LRRIQ3: variants seen among roughly 807,000 people sequenced by gnomAD.
The protein encoded by LRRIQ3 is leucine rich repeats and IQ motif containing 3.
Under a neutral mutation model 59.3 loss-of-function variants are expected in LRRIQ3, and 75 were observed. The observed-to-expected ratio is 1.26, with a 90% confidence interval of 1.05 to 1.53. The LOEUF is 1.53. Ranked by LOEUF, LRRIQ3 falls within the 40% of genes most tolerant of loss-of-function variation. The pLI is 0.00. For synonymous variants in LRRIQ3, 250 were observed against 231.3 expected (o/e 1.08, Z -0.73); for missense variants, 831 against 710.0 (o/e 1.17, Z -1.94).
At chr1:74,178,644 G>A (rs543549217) in intron 3 of LRRIQ3, among the ~76,000 whole-genome samples, 3 of 152,154 alleles carry the variant, frequency 2.0e-5, no homozygotes, top group African/African-American at 7.2e-5. Context: ...TGCCTTACAA[G>A]AATCTTCCTT....
chr1:74,188,008 G>A (rs1051955438), intron 1 of LRRIQ3, among the ~76,000 whole-genome samples: 2 of 151,998 alleles, frequency 1.3e-5, no homozygotes, highest in African/African-American at 4.8e-5. Flanking sequence ...GCAAACACAT[G>A]GAATCAACCT....
chr1:74,070,923 A>C (rs1360664137), intron 6 of LRRIQ3, among the ~76,000 whole-genome samples: 2 of 151,282 alleles, frequency 1.3e-5, no homozygotes, highest in Non-Finnish European at 2.9e-5. Context: ...AAGACACCTT[A>C]CCTATTGCAT....
intron 3 of LRRIQ3, among the ~76,000 whole-genome samples, chr1:74,177,909 T>C (rs898682342): frequency 6.6e-6 from 1 of 152,028 alleles, no homozygotes; most frequent in Non-Finnish European, 1.5e-5. Flanking sequence ...CCTTCCACTA[T>C]AATATTTTCT....
At chr1:74,089,397 G>T (rs191481103) in intron 5 of LRRIQ3, among the ~76,000 whole-genome samples, 40 of 152,128 alleles carry the variant, frequency 2.6e-4, no homozygotes, top group Admixed American at 1.6e-3. Context: ...CCATAAATTA[G>T]AAGGAACTCA....
intron 6 of LRRIQ3, among the ~76,000 whole-genome samples, chr1:74,054,762 A>ATATC (rs1319078564): frequency 1.4e-5 from 2 of 145,102 alleles, no homozygotes; most frequent in African/African-American, 4.9e-5. Context: ...ATATATCTAT[A>ATATC]TATCTACATA....
At chr1:74,117,223 T>C (rs1285023816) in intron 4 of LRRIQ3, among the ~76,000 whole-genome samples, 1 of 152,120 alleles carries the variant, frequency 6.6e-6, no homozygotes, top group Non-Finnish European at 1.5e-5. Flanking sequence ...ATGGAAAAGA[T>C]GTGTATATTT....
At chr1:74,174,186 G>T (rs1480583083) in intron 3 of LRRIQ3, among the ~76,000 whole-genome samples, 1 of 151,926 alleles carries the variant, frequency 6.6e-6, no homozygotes, top group Admixed American at 6.6e-5. Flanking sequence ...TGTCTCATCA[G>T]TCCCATAGAG....
At chr1:74,048,338 T>C (rs147501278) in intron 6 of LRRIQ3, among the ~76,000 whole-genome samples, 55 of 152,322 alleles carry the variant, frequency 3.6e-4, no homozygotes, top group African/African-American at 1.2e-3. Context: ...CAATAATTCT[T>C]CTAATTTGGA....
chr1:74,113,936 A>G (rs542071007), intron 4 of LRRIQ3, among the ~76,000 whole-genome samples: 1 of 151,858 alleles, frequency 6.6e-6, no homozygotes, highest in East Asian at 1.9e-4. Context: ...AAACATATAT[A>G]TATAAATCCC....
chr1:74,101,909 T>C (rs1471785146), intron 5 of LRRIQ3, among the ~76,000 whole-genome samples: 1 of 151,766 alleles, frequency 6.6e-6, no homozygotes, highest in Non-Finnish European at 1.5e-5. Flanking sequence ...GGGCCTGTCA[T>C]ATGGTGGGGG....
chr1:74,083,290 G>A (rs370802279), intron 5 of LRRIQ3: 1 of 151,548 alleles, frequency 6.6e-6, no homozygotes, highest in Non-Finnish European at 1.5e-5. Flanking sequence ...CTACTGCTCT[G>A]GTCAGAAATA....
At chr1:74,049,956 C>T (rs1654320531) in intron 6 of LRRIQ3, among the ~76,000 whole-genome samples, 1 of 145,286 alleles carries the variant, frequency 6.9e-6, no homozygotes, top group Admixed American at 7.0e-5. Flanking sequence ...CGGAGTCTCA[C>T]TCTGTTGCCC....
At chr1:74,117,889 T>TTA (rs1481105573) in intron 4 of LRRIQ3, among the ~76,000 whole-genome samples, 1 of 152,132 alleles carries the variant, frequency 6.6e-6, no homozygotes, top group African/African-American at 2.4e-5. Flanking sequence ...TATAAAGACA[T>TTA]TATAATGGAT....
intron 1 of LRRIQ3, among the ~76,000 whole-genome samples, chr1:74,190,923 C>T (rs529389129): frequency 6.6e-6 from 1 of 152,122 alleles, no homozygotes; most frequent in South Asian, 2.1e-4. Context: ...AAGGGGAAAC[C>T]CCTTTCACTT....
chr1:74,155,725 A>T lies in LRRIQ3; in HGVS notation c.707+8T>A. The T allele has an allele frequency of 2.6e-6, 4 of 1,566,822 alleles. No homozygotes were observed. Among genetic ancestry groups the T allele is most frequent in the Non-Finnish European group, 3.4e-6 (4 of 1,164,484 alleles). Reference sequence around the variant, plus strand: ...CAATATTCAAATGGTAAAGAAAACAAAACATACCTCAAATTTTTTCTAACT... The same window carrying T: ...CAATATTCAAATGGTAAAGAAAACATAACATACCTCAAATTTTTTCTAACT... On this transcript the variant is annotated splice_region_variant and intron_variant, in intron 4 of 7. Transcript: ENST00000354431.
At chr1:74,155,556 T>A (rs1175115958) in intron 4 of LRRIQ3, 177 bp downstream of exon 4, 7 of 412,046 alleles carry the variant, frequency 1.7e-5, no homozygotes, top group Non-Finnish European at 3.0e-5. Flanking sequence ...GTTGATTATG[T>A]TAAATATTAT....
intron 5 of LRRIQ3, among the ~76,000 whole-genome samples, chr1:74,101,163 A>G (rs1255930700): frequency 1.3e-5 from 2 of 152,202 alleles, no homozygotes; most frequent in African/African-American, 2.4e-5. Flanking sequence ...TACTCATCTG[A>G]CAAAGGGCTA....
At position 74,041,258 on chromosome 1, in the gene LRRIQ3, G is replaced by T. The variant is rs79435376; in HGVS notation, c.1673C>A (p.Ala558Glu). ...AAGTAAATTCTTTCTATATTTTTCT[G>T]CTTTTAGTTTTTGCTTAACAATCAG... Reference protein sequence around the residue: ...KSLIVKQKLKAEKYRKNLLKE... With the variant: ...KSLIVKQKLKEEKYRKNLLKE... The change falls in exon 7 of 8, where the codon GCA becomes GAA. Residue 558 changes from alanine (A) to glutamate (E), a missense_variant. Transcript: ENST00000354431. The T allele has an allele frequency of 1.9e-6, 3 of 1,591,878 alleles. No homozygotes were observed. The highest frequency in any genetic ancestry group is 2.6e-6 in the Non-Finnish European group (3 of 1,172,740).
At chr1:74,074,245 G>C (rs961949389) in intron 6 of LRRIQ3, among the ~76,000 whole-genome samples, 4 of 152,014 alleles carry the variant, frequency 2.6e-5, no homozygotes, top group African/African-American at 9.7e-5. Flanking sequence ...TGTTGAATAA[G>C]ATATGATTTT....
Sources: allele counts gnomAD v4.1 joint callset (sites outside exome capture counted in the v4.1 genomes callset), GRCh38; gene constraint gnomAD v4.1.1; transcripts MANE v1.5; gene names NCBI Gene and HGNC (gene_info 2026-07-23, HGNC 2026-07-21).